Variants in HMCN2 observed in about 807,000 individuals in gnomAD.
The protein encoded by HMCN2 is hemicentin-2.
HMCN2 carries 325 observed loss-of-function variants against 377.5 expected under a neutral mutation model. That is an observed-to-expected ratio of 0.86 (90% CI 0.79 to 0.94). HMCN2 has a LOEUF of 0.94. Ranked by LOEUF, HMCN2 falls within the 40% of genes least tolerant of loss-of-function variation. The pLI is 0.00. For synonymous variants in HMCN2, 2,007 were observed against 2,046.8 expected, an observed-to-expected ratio of 0.98 and a Z score of 0.53; for missense variants, 4,543 against 4,725.3, an observed-to-expected ratio of 0.96 and a Z score of 1.13.
intron 97 of HMCN2, 156 bp from the exon 98 acceptor site, chr9:130,433,186 CGTGGGA>C: frequency 1.9e-6 from 1 of 539,866 alleles, no homozygotes; most frequent in East Asian, 3.5e-5. Context: ...AACGGGCTAG[CGTGGGA>C]GCCTGCAGAG....
intron 15 of HMCN2, among the ~76,000 whole-genome samples, chr9:130,318,094 G>C (rs1413782266): frequency 6.6e-6 from 1 of 152,208 alleles, no homozygotes; most frequent in Non-Finnish European, 1.5e-5. Flanking sequence ...ATTCTGGGAT[G>C]CTGGGATTCT....
intron 4 of HMCN2, among the ~76,000 whole-genome samples, chr9:130,293,278 A>ATTTTTTTTTTTTTTTTTT (rs1554930691): frequency 2.7e-4 from 8 of 30,010 alleles, no homozygotes; most frequent in African/African-American, 4.5e-4. Context: ...TACTCACTAA[A>ATTTTTTTTTTTTTTTTTT]GTTTTTTTTT....
In HMCN2 at chr9:130,422,748, A is replaced by G; in HGVS notation, c.13381+22A>G. 10 of 1,267,526 alleles carry G rather than the reference A, an allele frequency of 7.9e-6. No homozygotes were observed. Among genetic ancestry groups the G allele is most frequent in the Non-Finnish European group, 1.0e-5 (10 of 998,614 alleles). 78.5% of individuals were successfully genotyped at this position (1,267,526 alleles called of 1,614,324 possible). On this transcript the variant is annotated intron_variant, in intron 87 of 97. Transcript: ENST00000683500. This position sits in a 1 kb window ranked among gnomAD's most constrained non-coding sequence, Gnocchi z 4.2. ...GTGGGTGAGTGGAAGGCAGAGCATC[A>G]CCTGCCTCTGGGTTATTGTCACAGC... is the stretch of plus-strand genomic sequence containing the variant.
At chr9:130,378,595 G>T in intron 53 of HMCN2, among the ~76,000 whole-genome samples, 1 of 149,264 alleles carries the variant, frequency 6.7e-6, no homozygotes. Flanking sequence ...GAGGCGGGGA[G>T]GCGGGGAGGC....
intron 74 of HMCN2, among the ~76,000 whole-genome samples, chr9:130,397,868 TTAAG>T (rs1430509425): frequency 5.3e-5 from 8 of 152,064 alleles, no homozygotes; most frequent in Non-Finnish European, 7.4e-5. Context: ...AGCGATTCGA[TTAAG>T]TAAGAAACCA....
In HMCN2 at chr9:130,397,964, A is replaced by G. The variant is rs544263079; in HGVS notation, c.11326+309A>G. Among the ~76,000 whole-genome samples, 35 of 150,718 alleles carry G rather than the reference A, an allele frequency of 2.3e-4. 1 individual carries two copies. The highest frequency in any genetic ancestry group is 7.6e-4 in the African/African-American group (31 of 40,900). On this transcript the variant is annotated intron_variant, in intron 74 of 97. Transcript: ENST00000683500. ...GGAGTTTGAGACCAACCTGGGCAAC[A>G]TAGTGAGACCCCATCTCTACAAAAA...
intron 22 of HMCN2, among the ~76,000 whole-genome samples, chr9:130,334,863 C>T (rs1004716294): frequency 3.0e-5 from 4 of 131,926 alleles, no homozygotes; most frequent in Non-Finnish European, 4.8e-5. Flanking sequence ...CTTTATTTTT[C>T]TTCACAGAGT....
intron 25 of HMCN2, among the ~76,000 whole-genome samples, chr9:130,345,367 A>G (rs1484795348): frequency 3.0e-4 from 30 of 98,444 alleles, no homozygotes; most frequent in East Asian, 7.1e-4. Flanking sequence ...TGTATGTGGT[A>G]TGTGTGGTAT....
chr9:130,304,136 A>G lies in HMCN2; in HGVS notation c.1543+528A>G, dbSNP rs1392816665. Among the ~76,000 whole-genome samples, 1 of 152,198 alleles carries G rather than the reference A, an allele frequency of 6.6e-6. No homozygotes were observed. The highest frequency in any genetic ancestry group is 2.4e-5 in the African/African-American group (1 of 41,434). On this transcript the variant is annotated intron_variant, in intron 10 of 97. Transcript: ENST00000683500. The surrounding 1 kb of genome is among the most constrained non-coding windows in gnomAD (Gnocchi z 4.3). ...ATGCTCTTTGTAGGAAAGCTGGAAA[A>G]ATATAAACAACCCAAGAGAAGATCA...
chr9:130,345,779 C>T (rs1481431052), intron 25 of HMCN2, among the ~76,000 whole-genome samples: 6 of 151,878 alleles, frequency 4.0e-5, no homozygotes, highest in Non-Finnish European at 2.9e-5. Context: ...ACACCCAGAG[C>T]GTGGGTGGAC....
Position 130,354,490 on chromosome 9 carries a change from C to T in HMCN2, c.4865-273C>T, listed in dbSNP as rs1403207097. Among the ~76,000 whole-genome samples, 7 of 152,288 alleles carry T rather than the reference C, an allele frequency of 4.6e-5. No individual in the cohort carries two copies. The South Asian group carries it at 6.2e-4, about 14-fold the overall frequency. On this transcript the variant is annotated intron_variant, in intron 31 of 97. Transcript: ENST00000683500. Reference sequence around the variant, plus strand: ...GCACTGGGGATGCAAGTAGGCCGGCCGTCTTTCCACTCATGCTGGGCTTGC... The same window carrying T: ...GCACTGGGGATGCAAGTAGGCCGGCTGTCTTTCCACTCATGCTGGGCTTGC...
chr9:130,376,583 C>T lies in HMCN2; in HGVS notation c.7986C>T (p.Val2662=). Residue 2662 remains valine, a synonymous_variant, in exon 52 of 98, where the codon GTC becomes GTT. Coordinates refer to ENST00000683500, the MANE Select transcript of HMCN2 (RefSeq NM_001291815.2). The stretch of plus-strand genomic sequence containing the variant: ...GCGTGAAGGAGGTGAAGACCAAGGT[C>T]AACAGCACCTTGACCTTGGAGTGTG... The part of the protein sequence containing the change: ...EVGVKEVKTK[V]NSTLTLECES... The T allele has an allele frequency of 1.0e-6, 1 of 985,812 alleles. No homozygotes were observed. The highest frequency in any genetic ancestry group is 1.2e-6 in the Non-Finnish European group (1 of 829,916). 61.1% of individuals were successfully genotyped at this position (985,812 alleles called of 1,614,324 possible). A position where few individuals can be genotyped will look rare whatever the true frequency, so the allele number is the denominator to read the frequency against.
chr9:130,324,466 C>T (rs1838020977), intron 19 of HMCN2, among the ~76,000 whole-genome samples: 1 of 152,194 alleles, frequency 6.6e-6, no homozygotes, highest in Non-Finnish European at 1.5e-5. Flanking sequence ...CAGCCTTCTT[C>T]ACTGTCAACA....
chr9:130,307,635 G>A (rs985307063), intron 14 of HMCN2, 69 bp downstream of exon 14: 3 of 468,992 alleles, frequency 6.4e-6, no homozygotes, highest in East Asian at 1.4e-4. Flanking sequence ...GGAGGTGGGG[G>A]TGTCCTGAAT....
Position 130,351,556 on chromosome 9 carries a change from G to A in HMCN2, c.4564G>A (p.Asp1522Asn), listed in dbSNP as rs1027218922. 1.0e-4 allele frequency: 130 copies of A among 1,303,740 alleles called. No homozygotes were observed. In the Admixed American group the frequency reaches 1.3e-3, roughly 13 times the overall value. 80.8% of individuals were successfully genotyped at this position (1,303,740 alleles called of 1,614,324 possible). Residue 1522 changes from aspartate to asparagine, a missense_variant, in exon 30 of 98, where the codon GAC becomes AAC. Coordinates refer to ENST00000683500, the MANE Select transcript of HMCN2 (RefSeq NM_001291815.2). This position sits in a 1 kb window ranked among gnomAD's most constrained non-coding sequence, Gnocchi z 5.4. Reference protein sequence around the residue: ...AFSPAGQQARDFQLRVHAPPT... With the variant: ...AFSPAGQQARNFQLRVHAPPT... ...CAGCCCAGCTGGTCAGCAGGCCAGG[G>A]ACTTCCAGCTCCGAGTTCATGGTGA...
rs548098982 is a variant in HMCN2, at chr9:130,423,178, C to A, written c.13381+452C>A. ...TGGAGAATTGAATTGCCTAGAAAAC[C>A]TAGAGGACTAAGAAGAGTCACCTGC... On this transcript the variant is annotated intron_variant, in intron 87 of 97. Coordinates refer to ENST00000683500, the MANE Select transcript of HMCN2 (RefSeq NM_001291815.2). The surrounding 1 kb of genome is among the most constrained non-coding windows in gnomAD (Gnocchi z 5.5). 6.6e-6 allele frequency among the ~76,000 whole-genome samples: 1 copy of A among 152,138 alleles called. No individual in the cohort carries two copies. The highest frequency in any genetic ancestry group is 6.5e-5 in the Admixed American group (1 of 15,276).
intron 28 of HMCN2, 71 bp downstream of exon 28, chr9:130,349,202 C>A (rs928646006): frequency 1.6e-6 from 2 of 1,257,678 alleles, no homozygotes; most frequent in African/African-American, 3.1e-5. Flanking sequence ...GCAGGCACAC[C>A]GGGGGAGAGG....
chr9:130,275,140 G>A (rs983627154), intron 1 of HMCN2, among the ~76,000 whole-genome samples: 4 of 152,008 alleles, frequency 2.6e-5, no homozygotes, highest in Non-Finnish European at 5.9e-5. Flanking sequence ...TTTTTTCCTT[G>A]TTTTTTTGCT....
chr9:130,340,286 A>G (rs36188993), intron 23 of HMCN2, among the ~76,000 whole-genome samples: 58,787 of 152,148 alleles, frequency 0.39, 11,863 homozygotes, highest in East Asian at 0.55. Context: ...ACCGGGCTCT[A>G]TGCTGGCTGC....
Sources: gnomAD v4.1 joint callset for allele counts (sites outside exome capture counted in the v4.1 genomes callset) on GRCh38, gnomAD v4.1.1 for gene constraint, Gnocchi (gnomAD v3.1) non-coding constraint, MANE v1.5 for transcripts, NCBI Gene and HGNC (gene_info 2026-07-23, HGNC 2026-07-21) for gene names.